Variants in STEAP1B observed in about 807,000 individuals in gnomAD.
STEAP1B encodes STEAP family protein MGC87042.
STEAP1B carries 13 observed loss-of-function variants against 27.9 expected under a neutral mutation model. That is an observed-to-expected ratio of 0.47 (90% confidence interval 0.30 to 0.74). STEAP1B has a LOEUF of 0.74. STEAP1B is among the 30% of genes least tolerant of loss of function. STEAP1B has a pLI of 0.06. For synonymous variants in STEAP1B, 86 were observed against 107.1 expected (o/e 0.80, Z 1.22); for missense variants, 250 against 298.7 (o/e 0.84, Z 1.20).
At chr7:22,492,855 ACT>A in intron 3 of STEAP1B, 126 bp from the exon 4 acceptor site, 1 of 1,405,388 alleles carries the variant, frequency 7.1e-7, no homozygotes, top group South Asian at 1.9e-5. Context: ...CAAATTTATG[ACT>A]TTTTCTTTTT....
intron 4 of STEAP1B, among the ~76,000 whole-genome samples, chr7:22,421,381 T>C (rs535011322): frequency 1.3e-5 from 2 of 152,378 alleles, no homozygotes; most frequent in Admixed American, 1.3e-4. Flanking sequence ...AACTTTGCTA[T>C]GTCTTGTGAG....
At chr7:22,493,974 T>C in intron 2 of STEAP1B, 138 bp from the exon 3 acceptor site, 1 of 1,090,428 alleles carries the variant, frequency 9.2e-7, no homozygotes, top group South Asian at 1.7e-5. Context: ...TACTGGTTAG[T>C]TGAAGATAGC....
chr7:22,465,655 A>G (rs1363613764), intron 4 of STEAP1B, among the ~76,000 whole-genome samples: 1 of 152,174 alleles, frequency 6.6e-6, no homozygotes, highest in African/African-American at 2.4e-5. Context: ...TAACCTCAAT[A>G]GGGAAGGCAC....
intron 4 of STEAP1B, among the ~76,000 whole-genome samples, chr7:22,471,989 A>G (rs973416560): frequency 6.6e-6 from 1 of 152,098 alleles, no homozygotes; most frequent in African/African-American, 2.4e-5. Flanking sequence ...CTATTGGAAG[A>G]ATAGGTTAAC....
intron 4 of STEAP1B, among the ~76,000 whole-genome samples, chr7:22,445,434 C>T (rs917062717): frequency 2.0e-5 from 3 of 152,266 alleles, no homozygotes; most frequent in Non-Finnish European, 4.4e-5. Context: ...GTCAGCCAGT[C>T]GTGCTGGGAT....
intron 4 of STEAP1B, among the ~76,000 whole-genome samples, chr7:22,439,129 C>A (rs2528844): frequency 0.45 from 68,037 of 151,920 alleles, 15,363 homozygotes; most frequent in East Asian, 0.59. Context: ...TAAAGAAGCA[C>A]CAGCTTCTAC....
chr7:22,459,932 C>T (rs563128687), intron 4 of STEAP1B, among the ~76,000 whole-genome samples: 3 of 152,196 alleles, frequency 2.0e-5, no homozygotes, highest in South Asian at 2.1e-4. Context: ...ACCACAATAG[C>T]GTAATTTGGT....
Position 22,456,952 on chromosome 7 carries a change from C to CCATATA in STEAP1B, c.762+35612_762+35613insTATATG, listed in dbSNP as rs1478025290. Among the ~76,000 whole-genome samples the CCATATA allele has an allele frequency of 8.2e-5, 6 of 73,276 alleles. No individual in the cohort carries two copies. The East Asian group carries it at 2.1e-3, about 26-fold the overall frequency. 48.1% of individuals were successfully genotyped at this position (73,276 alleles called of 152,430 possible). ...TTCAGAATGGGGGTGGGATAGGCAG[C>CCATATA]TATATATATATATATATATATTTTT... On this transcript the variant is annotated intron_variant, in intron 4 of 4. Transcript: ENST00000678116.
chr7:22,463,633 A>G (rs1189112930), intron 4 of STEAP1B, among the ~76,000 whole-genome samples: 2 of 151,958 alleles, frequency 1.3e-5, no homozygotes, highest in Non-Finnish European at 2.9e-5. Flanking sequence ...ACAAAACAGA[A>G]CCCTCAGAAA....
intron 4 of STEAP1B, among the ~76,000 whole-genome samples, chr7:22,452,143 G>C (rs540165730): frequency 5.3e-5 from 8 of 152,276 alleles, no homozygotes; most frequent in African/African-American, 1.9e-4. Flanking sequence ...TATAATTGAG[G>C]TAGAAATTAC....
chr7:22,493,207 AC>A, intron 3 of STEAP1B, 116 bp downstream of exon 3: 1 of 1,240,844 alleles, frequency 8.1e-7, no homozygotes. Context: ...AAAATAGATG[AC>A]TTTTTCAACA....
intron 4 of STEAP1B, among the ~76,000 whole-genome samples, chr7:22,432,169 G>T (rs904230309): frequency 6.6e-6 from 1 of 152,022 alleles, no homozygotes; most frequent in East Asian, 1.9e-4. Context: ...GGCTGTCTAT[G>T]AGAAGTAGAT....
intron 4 of STEAP1B, among the ~76,000 whole-genome samples, chr7:22,479,468 T>C (rs1031726047): frequency 9.9e-5 from 15 of 152,198 alleles, no homozygotes; most frequent in Admixed American, 2.6e-4. Flanking sequence ...CTTTATTCAT[T>C]ACATTATTAT....
At chr7:22,468,295 T>A (rs950365602) in intron 4 of STEAP1B, among the ~76,000 whole-genome samples, 1 of 152,088 alleles carries the variant, frequency 6.6e-6, no homozygotes, top group Admixed American at 6.5e-5. Flanking sequence ...TTAACCCTCA[T>A]ATAAACGAAT....
chr7:22,482,992 G>GTGCC (rs58212363), intron 4 of STEAP1B, among the ~76,000 whole-genome samples: 6,611 of 152,222 alleles, frequency 0.043, 454 homozygotes, highest in African/African-American at 0.15. Flanking sequence ...TGCCAGATCT[G>GTGCC]TGCCGCCAGC....
At chr7:22,425,723 C>T (rs1003216969) in intron 4 of STEAP1B, among the ~76,000 whole-genome samples, 2 of 152,196 alleles carry the variant, frequency 1.3e-5, no homozygotes, top group African/African-American at 4.8e-5. Context: ...CAAGGTGCAG[C>T]CTAAATGAAC....
intron 4 of STEAP1B, among the ~76,000 whole-genome samples, chr7:22,429,845 G>A (rs897374063): frequency 1.3e-5 from 2 of 151,696 alleles, no homozygotes; most frequent in African/African-American, 2.4e-5. Flanking sequence ...AAGATTATAA[G>A]TAGTGTGTCC....
chr7:22,487,883 A>C (rs536489289), intron 4 of STEAP1B, among the ~76,000 whole-genome samples: 1 of 152,254 alleles, frequency 6.6e-6, no homozygotes, highest in Non-Finnish European at 1.5e-5. Flanking sequence ...AAAAGAGAAA[A>C]GAATACAAGT....
In STEAP1B at chr7:22,456,970, ATATTTTTT is replaced by A. The variant is rs1489508605; in HGVS notation, c.762+35587_762+35594del. On this transcript the variant is annotated intron_variant, in intron 4 of 4. Coordinates refer to ENST00000678116, the MANE Select transcript of STEAP1B (RefSeq NM_001382447.1). ...TAGGCAGCTATATATATATATATATATATTTTTTTTTTTTTTAAGTATCCTGGGTGGTT... is the reference window on the plus strand; with the variant it reads ...TAGGCAGCTATATATATATATATATATTTTTTTTAAGTATCCTGGGTGGTT... 5.4e-4 allele frequency among the ~76,000 whole-genome samples: 14 copies of A among 26,166 alleles called. 1 individual carries two copies. In the South Asian group the frequency reaches 0.014, roughly 27 times the overall value. The allele number at this position is 26,166 out of a possible 152,430, so 17.2% of individuals were successfully genotyped here. A position where few individuals can be genotyped will look rare whatever the true frequency, so the allele number is the denominator to read the frequency against.
Sources: gnomAD v4.1 joint callset for allele counts (sites outside exome capture counted in the v4.1 genomes callset) on GRCh38, gnomAD v4.1.1 for gene constraint, MANE v1.5 for transcripts, NCBI Gene and HGNC (gene_info 2026-07-23, HGNC 2026-07-21) for gene names.